Variants in SSMEM1 observed in about 807,000 individuals in gnomAD.
SSMEM1 encodes serine rich single-pass membrane protein 1, also known as serine-rich single-pass membrane protein 1.
Under a neutral mutation model 9.9 loss-of-function variants are expected in SSMEM1, and 12 were observed. The ratio of observed to expected loss-of-function variants is 1.21; its 90% confidence interval spans 0.78 to 1.96. The LOEUF is 1.96. Ranked by LOEUF, SSMEM1 falls within the 30% of genes most tolerant of loss-of-function variation. The probability of loss-of-function intolerance (pLI) is 0.00; values close to 1 mark genes in which losing one functional copy is unlikely to be tolerated. For missense variants in SSMEM1, 259 were observed against 292.2 expected (o/e 0.89, Z 0.83); for synonymous variants, 96 against 98.9 (o/e 0.97, Z 0.17).
chr7:130,208,528 G>C (rs1031262747), intron 1 of SSMEM1, among the ~76,000 whole-genome samples: 2 of 152,014 alleles, frequency 1.3e-5, no homozygotes, highest in African/African-American at 4.8e-5. Flanking sequence ...TATTTTGATT[G>C]CACCAAAAAA....
chr7:130,215,163 T>G (rs1798680159), intron 2 of SSMEM1, among the ~76,000 whole-genome samples: 1 of 152,108 alleles, frequency 6.6e-6, no homozygotes, highest in African/African-American at 2.4e-5. Context: ...AAATTAGCTG[T>G]GCATGGTGGC....
chr7:130,205,689 C>A (rs543814664), upstream of SSMEM1, among the ~76,000 whole-genome samples: 6 of 152,228 alleles, frequency 3.9e-5, no homozygotes, highest in East Asian at 7.7e-4. Flanking sequence ...TTTTAGCTTC[C>A]CTAGGGCATT....
chr7:130,215,381 GA>G (rs1166419609), intron 2 of SSMEM1, among the ~76,000 whole-genome samples: 1 of 152,146 alleles, frequency 6.6e-6, no homozygotes, highest in Non-Finnish European at 1.5e-5. Context: ...AAAACCAGAA[GA>G]GCACATAGCA....
Position 130,213,530 on chromosome 7 carries a change from G to C in SSMEM1, c.234G>C (p.Arg78Ser), listed in dbSNP as rs760813474. The change falls in exon 2 of 3, where the codon AGG becomes AGC. Residue 78 changes from arginine (R) to serine (S), a missense_variant. Coordinates refer to ENST00000297819, the MANE Select transcript of SSMEM1 (RefSeq NM_145268.4). ...DEGSGTSTSV[R>S]KASKETSCKR... Reference sequence around the variant, plus strand: ...GCAGTGGGACAAGTACTTCAGTAAGGAAAGGTGAGAACCAGTGCATATTTG... The same window carrying C: ...GCAGTGGGACAAGTACTTCAGTAAGCAAAGGTGAGAACCAGTGCATATTTG... The C allele has an allele frequency of 1.2e-6, 2 of 1,611,546 alleles. No individual in the cohort carries two copies. The highest frequency in any genetic ancestry group is 8.5e-7 in the Non-Finnish European group (1 of 1,178,536).
intron 2 of SSMEM1, 111 bp from the exon 3 acceptor site, chr7:130,215,863 C>T (rs758900033): frequency 1.5e-4 from 208 of 1,416,960 alleles, no homozygotes; most frequent in Non-Finnish European, 1.8e-4. Flanking sequence ...AAAGCAATGG[C>T]TTGACAACTG....
Position 130,207,910 on chromosome 7 carries a change from C to G in SSMEM1, c.-1C>G. 1.2e-6 allele frequency: 2 copies of G among 1,613,430 alleles called. No homozygotes were observed. Among genetic ancestry groups the G allele is most frequent in the Non-Finnish European group, 8.5e-7 (1 of 1,179,754 alleles). ...GTTTATTTTCTGAGCAAGGAGTCAT[C>G]ATGGGAGACCTTTTTTCCTTATTTT... On this transcript the variant is annotated 5_prime_UTR_variant, in exon 1 of 3. In the 5' UTR this introduces an upstream ATG that the reference lacks. Transcript: ENST00000297819.
At chr7:130,211,469 A>G (rs763836702) in intron 1 of SSMEM1, among the ~76,000 whole-genome samples, 1 of 152,126 alleles carries the variant, frequency 6.6e-6, no homozygotes, top group Non-Finnish European at 1.5e-5. Context: ...AGAAAGTGGT[A>G]TCTTAAAAGT....
Position 130,213,710 on chromosome 7 carries a change from A to G in SSMEM1, c.238+176A>G, listed in dbSNP as rs200379604. Among the ~76,000 whole-genome samples the G allele has an allele frequency of 9.5e-3, 1,132 of 119,400 alleles. 12 individuals are homozygous for G. Among genetic ancestry groups the G allele is most frequent in the African/African-American group, 0.028 (923 of 32,516 alleles). 78.3% of individuals were successfully genotyped at this position (119,400 alleles called of 152,430 possible). On this transcript the variant is annotated intron_variant, in intron 2 of 2. Coordinates refer to ENST00000297819, the MANE Select transcript of SSMEM1 (RefSeq NM_145268.4). ...CCAGTACCAAAAAAAAAAAAAAAAA[A>G]AAAAGAAAAGAAAAGAAAAAGAAAA...
Position 130,216,417 on chromosome 7 carries a change from A to C in SSMEM1, c.682A>C (p.Ser228Arg). The C allele has an allele frequency of 6.2e-7, 1 of 1,614,212 alleles. No individual in the cohort carries two copies. Among genetic ancestry groups the C allele is most frequent in the South Asian group, 1.1e-5 (1 of 91,086 alleles). Reference protein sequence around the residue: ...PSVTPPMKRDSQEESSISDIN... With the variant: ...PSVTPPMKRDRQEESSISDIN... ...AGTAACACCGCCAATGAAAAGAGAC[A>C]GTCAAGAGGAAAGTTCCATATCTGA... Residue 228 changes from serine to arginine, a missense_variant, in exon 3 of 3, where the codon AGT becomes CGT. Transcript: ENST00000297819.
In SSMEM1 at chr7:130,207,906, T is replaced by C. The variant is rs757409752; in HGVS notation, c.-5T>C. 1.9e-6 allele frequency: 3 copies of C among 1,612,640 alleles called. No individual in the cohort carries two copies. The highest frequency in any genetic ancestry group is 2.5e-6 in the Non-Finnish European group (3 of 1,179,476). Reference sequence around the variant, plus strand: ...CATGGTTTATTTTCTGAGCAAGGAGTCATCATGGGAGACCTTTTTTCCTTA... The same window carrying C: ...CATGGTTTATTTTCTGAGCAAGGAGCCATCATGGGAGACCTTTTTTCCTTA... On this transcript the variant is annotated 5_prime_UTR_variant, in exon 1 of 3. Transcript: ENST00000297819.
In SSMEM1 at chr7:130,207,990, A is replaced by G. The variant is rs762087081; in HGVS notation, c.80A>G (p.Tyr27Cys). 22 of 1,613,972 alleles carry G rather than the reference A, an allele frequency of 1.4e-5. No homozygotes were observed. The highest frequency in any genetic ancestry group is 4.5e-5 in the East Asian group (2 of 44,866). ...AATTGTGCCATTCCAAATCAGGATT[A>G]TGAATGCTGGAAGGATGACTCTTGT... The part of the protein sequence containing the change: ...PVNCAIPNQD[Y>C]ECWKDDSCGT... The change falls in exon 1 of 3, where the codon TAT becomes TGT. Residue 27 changes from tyrosine (Y) to cysteine (C), a missense_variant. Coordinates refer to ENST00000297819, the MANE Select transcript of SSMEM1 (RefSeq NM_145268.4).
chr7:130,210,438 C>T (rs935243825), intron 1 of SSMEM1, among the ~76,000 whole-genome samples: 6 of 152,292 alleles, frequency 3.9e-5, no homozygotes, highest in African/African-American at 1.2e-4. Context: ...ACATGAAGCA[C>T]GCTGATTTCC....
At chr7:130,213,692 C>CAAAAAAAAAAAAAAAAAAAAAAAAA (rs1179465068) in intron 2 of SSMEM1, among the ~76,000 whole-genome samples, 158 bp downstream of exon 2, 9 of 79,768 alleles carry the variant, frequency 1.1e-4, no homozygotes, top group Admixed American at 1.5e-4. Context: ...GACCCAGTAC[C>CAAAAAAAAAAAAAAAAAAAAAAAAA]AAAAAAAAAA....
upstream of SSMEM1, among the ~76,000 whole-genome samples, chr7:130,206,292 G>A (rs76504595): frequency 0.014 from 2,083 of 151,460 alleles, 41 homozygotes; most frequent in African/African-American, 0.048. Context: ...CAGGTGAGGT[G>A]GATGCAGTGC....
At chr7:130,208,941 C>T (rs533120118) in intron 1 of SSMEM1, among the ~76,000 whole-genome samples, 2 of 152,106 alleles carry the variant, frequency 1.3e-5, no homozygotes, top group South Asian at 4.2e-4. Flanking sequence ...TGGCTCACTA[C>T]AACCTCCGCC....
upstream of SSMEM1, among the ~76,000 whole-genome samples, chr7:130,206,211 A>G (rs1324650592): frequency 1.3e-5 from 2 of 152,230 alleles, no homozygotes; most frequent in African/African-American, 4.8e-5. Flanking sequence ...CGGATATAGA[A>G]AATAAGACCT....
intron 1 of SSMEM1, among the ~76,000 whole-genome samples, chr7:130,212,523 C>T (rs557314881): frequency 7.9e-4 from 120 of 152,014 alleles, no homozygotes; most frequent in Middle Eastern, 3.4e-3. Context: ...ATCAGGAGTT[C>T]GAGACCAGCC....
At chr7:130,212,710 A>T (rs1341188370) in intron 1 of SSMEM1, among the ~76,000 whole-genome samples, 1 of 151,866 alleles carries the variant, frequency 6.6e-6, no homozygotes, top group Non-Finnish European at 1.5e-5. Context: ...GGGCATACAG[A>T]GCAAGACTCC....
In SSMEM1 at chr7:130,216,107, T is replaced by G; in HGVS notation, c.372T>G (p.Pro124=). 1 of 1,614,184 alleles carries G rather than the reference T, an allele frequency of 6.2e-7. No individual in the cohort carries two copies. Among genetic ancestry groups the G allele is most frequent in the Non-Finnish European group, 8.5e-7 (1 of 1,180,042 alleles). ...NSEVALVNAY[P]EQRRARRQSQ... Reference sequence around the variant, plus strand: ...AAGTGGCTTTGGTCAATGCCTATCCTGAACAAAGACGAGCCAGGCGCCAGT... The same window carrying G: ...AAGTGGCTTTGGTCAATGCCTATCCGGAACAAAGACGAGCCAGGCGCCAGT... The change falls in exon 3 of 3, where the codon CCT becomes CCG. Residue 124 remains proline (P), a synonymous_variant. Transcript: ENST00000297819.
Sources: allele counts gnomAD v4.1 joint callset (sites outside exome capture counted in the v4.1 genomes callset), GRCh38; gene constraint gnomAD v4.1.1; transcripts MANE v1.5; gene names NCBI Gene and HGNC (gene_info 2026-07-23, HGNC 2026-07-21).